ANKS1B: variants seen among roughly 807,000 people sequenced by gnomAD.
The protein encoded by ANKS1B is ankyrin repeat and sterile alpha motif domain containing 1B.
A neutral mutation model predicts 148.3 loss-of-function variants in ANKS1B; 36 were observed. That is an observed-to-expected ratio of 0.24 (90% CI 0.19 to 0.32). ANKS1B has a LOEUF of 0.32. Ranked by LOEUF, ANKS1B falls within the 10% of genes least tolerant of loss-of-function variation. The pLI is 1.00. For synonymous variants in ANKS1B, 542 were observed against 560.8 expected, an observed-to-expected ratio of 0.97 and a Z score of 0.47; for missense variants, 1,157 against 1,542.6, an observed-to-expected ratio of 0.75 and a Z score of 4.19.
downstream of ANKS1B, among the ~76,000 whole-genome samples, chr12:98,740,628 G>C (rs2097793807): frequency 6.6e-6 from 1 of 152,160 alleles, no homozygotes; most frequent in Non-Finnish European, 1.5e-5. Flanking sequence ...TTACTGTGAT[G>C]ATTCCCAATG....
At chr12:99,240,500 T>C (rs2089073339) in intron 14 of ANKS1B, among the ~76,000 whole-genome samples, 1 of 152,104 alleles carries the variant, frequency 6.6e-6, no homozygotes, top group Non-Finnish European at 1.5e-5. Flanking sequence ...ATTAGACAGA[T>C]CAATAAGAGA....
chr12:98,762,043 C>T (rs1205864253), intron 25 of ANKS1B, among the ~76,000 whole-genome samples: 3 of 152,208 alleles, frequency 2.0e-5, no homozygotes, highest in Admixed American at 6.5e-5. Flanking sequence ...TCACCCACAC[C>T]ATGAAGAGGG....
At chr12:99,630,924 G>C (rs780655470) in intron 9 of ANKS1B, among the ~76,000 whole-genome samples, 14 of 152,292 alleles carry the variant, frequency 9.2e-5, no homozygotes, top group Admixed American at 5.9e-4. Flanking sequence ...GACCCAGTGG[G>C]AGGTAATTGA....
At chr12:98,903,661 T>C (rs548083205) in intron 17 of ANKS1B, among the ~76,000 whole-genome samples, 2 of 152,358 alleles carry the variant, frequency 1.3e-5, no homozygotes, top group Admixed American at 6.5e-5. Context: ...TTATCTCTTA[T>C]ATGAGCCAAT....
intron 17 of ANKS1B, among the ~76,000 whole-genome samples, chr12:98,993,262 G>A (rs983983108): frequency 1.3e-5 from 2 of 152,152 alleles, no homozygotes; most frequent in South Asian, 2.1e-4. Flanking sequence ...CCACCTCCCA[G>A]GTTCCAGCGA....
intron 17 of ANKS1B, among the ~76,000 whole-genome samples, chr12:98,854,384 TC>T (rs150455436): frequency 0.015 from 2,335 of 152,264 alleles, 64 homozygotes; most frequent in African/African-American, 0.052. Flanking sequence ...CTGAAATAAA[TC>T]CTTGAGATTT....
intron 12 of ANKS1B, among the ~76,000 whole-genome samples, chr12:99,282,144 G>A (rs1033415750): frequency 6.6e-6 from 1 of 152,292 alleles, no homozygotes; most frequent in East Asian, 1.9e-4. Context: ...AGTCAGGAAA[G>A]CATCTTTGAT....
chr12:99,271,548 A>C (rs1566780668), intron 12 of ANKS1B, among the ~76,000 whole-genome samples: 1 of 151,362 alleles, frequency 6.6e-6, no homozygotes, highest in East Asian at 1.9e-4. Context: ...AGTTAAAATA[A>C]TTAGTTAAGA....
intron 1 of ANKS1B, among the ~76,000 whole-genome samples, chr12:99,882,141 G>A (rs1487803348): frequency 3.3e-5 from 5 of 152,186 alleles, no homozygotes; most frequent in Non-Finnish European, 5.9e-5. Flanking sequence ...AAAACTCACT[G>A]AATGAGTTCT....
chr12:99,929,379 T>G (rs1027374421), intron 1 of ANKS1B, among the ~76,000 whole-genome samples: 5 of 152,034 alleles, frequency 3.3e-5, no homozygotes, highest in African/African-American at 1.2e-4. Context: ...TTGAGTTCAT[T>G]GTAGATTCTG....
intron 8 of ANKS1B, among the ~76,000 whole-genome samples, chr12:99,695,938 G>A (rs1206953394): frequency 6.6e-6 from 1 of 152,068 alleles, no homozygotes; most frequent in African/African-American, 2.4e-5. Flanking sequence ...GGGACTACTA[G>A]AGCGCGGAGG....
chr12:99,019,685 C>T (rs1048358911), intron 17 of ANKS1B, among the ~76,000 whole-genome samples: 1 of 152,144 alleles, frequency 6.6e-6, no homozygotes, highest in Non-Finnish European at 1.5e-5. Context: ...AATATTTTCC[C>T]AAACCAAGCT....
intron 1 of ANKS1B, among the ~76,000 whole-genome samples, chr12:99,967,482 A>T (rs2095499456): frequency 2.0e-5 from 3 of 152,096 alleles, no homozygotes. Flanking sequence ...GCAGTGGTGT[A>T]ATCATAGTTC....
intron 16 of ANKS1B, among the ~76,000 whole-genome samples, chr12:99,083,130 G>A (rs1036756995): frequency 6.6e-6 from 1 of 152,178 alleles, no homozygotes; most frequent in Admixed American, 6.5e-5. Flanking sequence ...TGCAAAAGGA[G>A]TAAGTGTCTA....
At chr12:99,498,160 T>G (rs555595845) in intron 10 of ANKS1B, among the ~76,000 whole-genome samples, 1 of 152,286 alleles carries the variant, frequency 6.6e-6, no homozygotes, top group Admixed American at 6.5e-5. Context: ...TATGCACTGA[T>G]TTGCTAATGA....
chr12:99,643,690 C>T (rs1219853392), intron 9 of ANKS1B, among the ~76,000 whole-genome samples: 1 of 152,194 alleles, frequency 6.6e-6, no homozygotes, highest in East Asian at 1.9e-4. Flanking sequence ...TCCAAGCTAC[C>T]AAAGTCTCCG....
chr12:99,330,929 T>G (rs754721386), intron 12 of ANKS1B, among the ~76,000 whole-genome samples: 2 of 152,010 alleles, frequency 1.3e-5, no homozygotes, highest in Non-Finnish European at 2.9e-5. Flanking sequence ...GTTATGTGCA[T>G]AGTTTTGGGA....
intron 8 of ANKS1B, among the ~76,000 whole-genome samples, chr12:99,746,690 GC>G (rs2060626373): frequency 6.6e-6 from 1 of 152,082 alleles, no homozygotes; most frequent in Non-Finnish European, 1.5e-5. Flanking sequence ...GGGATGGATG[GC>G]TGTAAATGAC....
chr12:99,553,434 G>T (rs531689219), intron 9 of ANKS1B, among the ~76,000 whole-genome samples: 1 of 152,236 alleles, frequency 6.6e-6, no homozygotes, highest in East Asian at 1.9e-4. Context: ...TGTTGCTATG[G>T]ATGCTTTTTT....
Sources: gnomAD v4.1 joint callset for allele counts (sites outside exome capture counted in the v4.1 genomes callset) on GRCh38, gnomAD v4.1.1 for gene constraint, MANE v1.5 for transcripts, NCBI Gene and HGNC (gene_info 2026-07-23, HGNC 2026-07-21) for gene names.